The following TRIM35 variants were observed in gnomAD, a reference collection of about 807,000 sequenced individuals.
TRIM35 encodes E3 ubiquitin-protein ligase TRIM35.
Under a neutral mutation model 49.1 loss-of-function variants are expected in TRIM35, and 37 were observed. That is an observed-to-expected ratio of 0.75 (90% CI 0.58 to 0.99). The LOEUF (loss-of-function observed/expected upper bound fraction) is 0.99. TRIM35 is among the 50% of genes least tolerant of loss of function. The pLI, the probability that TRIM35 is intolerant of heterozygous loss-of-function variation, is 0.00. For missense variants in TRIM35, 648 were observed against 702.7 expected (o/e 0.92, Z 0.88); for synonymous variants, 302 against 289.3 (o/e 1.04, Z -0.45).
intron 3 of TRIM35, among the ~76,000 whole-genome samples, chr8:27,291,985 AC>A: frequency 6.6e-6 from 1 of 152,316 alleles, no homozygotes; most frequent in South Asian, 2.1e-4. Flanking sequence ...AGGCTCCACC[AC>A]CCAACACTGT....
At chr8:27,297,665 G>A (rs1341813749) in intron 2 of TRIM35, among the ~76,000 whole-genome samples, 1 of 152,204 alleles carries the variant, frequency 6.6e-6, no homozygotes, top group Non-Finnish European at 1.5e-5. Flanking sequence ...AATAAACCAG[G>A]AAATTATGCC....
chr8:27,299,820 G>C (rs1429438167), intron 1 of TRIM35, among the ~76,000 whole-genome samples: 1 of 152,148 alleles, frequency 6.6e-6, no homozygotes, highest in Non-Finnish European at 1.5e-5. Context: ...TTTTGCATGT[G>C]GGAGGGACAT....
At chr8:27,304,694 G>A (rs1802747698) in intron 1 of TRIM35, 6 of 385,666 alleles carry the variant, frequency 1.6e-5, no homozygotes, top group South Asian at 9.7e-5. Flanking sequence ...GCACAAAGTA[G>A]ATGTTCAGTT....
chr8:27,310,983 C>A lies in TRIM35; in HGVS notation c.253G>T (p.Glu85Ter), dbSNP rs763134688. 1 of 1,611,980 alleles carries A rather than the reference C, an allele frequency of 6.2e-7. No homozygotes were observed. Among genetic ancestry groups the A allele is most frequent in the Non-Finnish European group, 8.5e-7 (1 of 1,179,412 alleles). ...GTCCAGCGCGCGCCCTCGGCCTCCTCGCGCAGCAGCTTCTCCACCAGGTTG... is the reference window on the plus strand; with the variant it reads ...GTCCAGCGCGCGCCCTCGGCCTCCTAGCGCAGCAGCTTCTCCACCAGGTTG... ...LNNLVEKLLR[E>*]EAEGARWTSY... The change falls in exon 1 of 6, where the codon GAG becomes TAG. Residue 85 changes from glutamate (E) to a stop codon, truncating the protein, a stop_gained. Transcript: ENST00000305364. LOFTEE classifies it high-confidence loss of function.
At chr8:27,293,958 CT>C (rs1486242924) in intron 3 of TRIM35, 121 bp downstream of exon 3, 23 of 918,644 alleles carry the variant, frequency 2.5e-5, no homozygotes, top group Non-Finnish European at 3.7e-5. Context: ...TTGTGAGCTC[CT>C]CCAGGCCAGT....
At chr8:27,292,379 T>A (rs1456442671) in intron 3 of TRIM35, among the ~76,000 whole-genome samples, 3 of 152,210 alleles carry the variant, frequency 2.0e-5, no homozygotes, top group Admixed American at 2.0e-4. Context: ...ATGAAGAAAC[T>A]GCCTAATAAT....
intron 3 of TRIM35, among the ~76,000 whole-genome samples, chr8:27,293,505 G>A (rs1459449020): frequency 2.0e-5 from 3 of 151,748 alleles, no homozygotes; most frequent in South Asian, 2.1e-4. Flanking sequence ...GGTAGAGACC[G>A]GAAAAAAAAT....
intron 1 of TRIM35, among the ~76,000 whole-genome samples, chr8:27,303,573 A>G (rs1039788419): frequency 2.0e-5 from 3 of 152,252 alleles, no homozygotes; most frequent in Admixed American, 6.5e-5. Flanking sequence ...ATGAGCAGAG[A>G]TGGGCAGTAG....
Position 27,311,210 on chromosome 8 carries a change from G to A in TRIM35, c.26C>T (p.Pro9Leu), listed in dbSNP as rs765087352. 23 of 1,586,688 alleles carry A rather than the reference G, an allele frequency of 1.4e-5. No individual in the cohort carries two copies. The highest frequency in any genetic ancestry group is 1.0e-4 in the South Asian group (9 of 87,640). Residue 9 changes from proline (P) to leucine (L), a missense_variant, in exon 1 of 6, where the codon CCC (proline) becomes CTC (leucine). Transcript: ENST00000305364. The stretch of plus-strand genomic sequence containing the variant: ...CTCCTTGAAGGAGCGGGAAGGCCCG[G>A]GGGACACGTCGGGACTCCGCTCCAT... MERSPDVS[P>L]GPSRSFKEEL...
chr8:27,311,187 C>T lies in TRIM35; in HGVS notation c.49G>A (p.Glu17Lys). 6.2e-7 allele frequency: 1 copy of T among 1,602,072 alleles called. No homozygotes were observed. Among genetic ancestry groups the T allele is most frequent in the Non-Finnish European group, 8.5e-7 (1 of 1,173,778 alleles). ...TAGCAGACGGCGCAGAGCAACTCCT[C>T]CTTGAAGGAGCGGGAAGGCCCGGGG... ...VSPGPSRSFK[E>K]ELLCAVCYDP... Residue 17 changes from glutamate to lysine, a missense_variant, in exon 1 of 6, where the codon GAG becomes AAG. Physicochemically the swap from Glu to Lys is moderately conservative, Grantham distance 56. Coordinates refer to ENST00000305364, the MANE Select transcript of TRIM35 (RefSeq NM_171982.5).
At position 27,289,266 on chromosome 8, in the gene TRIM35, A is replaced by C; in HGVS notation, c.800T>G (p.Met267Arg). ...KSRKRRLFCT[M>R]EPEPVQPGML... Reference sequence around the variant, plus strand: ...GCCGGGCTGGACTGGCTCTGGCTCCATGGTGCAGAAGAGTCTGGAAAAGTA... The same window carrying C: ...GCCGGGCTGGACTGGCTCTGGCTCCCTGGTGCAGAAGAGTCTGGAAAAGTA... The change falls in exon 5 of 6, where the codon ATG becomes AGG. Residue 267 changes from methionine to arginine, a missense_variant. Physicochemically the swap from Met to Arg is moderately conservative, Grantham distance 91. Coordinates refer to ENST00000305364, the MANE Select transcript of TRIM35 (RefSeq NM_171982.5). The C allele has an allele frequency of 6.2e-7, 1 of 1,614,064 alleles. No individual in the cohort carries two copies. Among genetic ancestry groups the C allele is most frequent in the Non-Finnish European group, 8.5e-7 (1 of 1,179,936 alleles).
intron 1 of TRIM35, among the ~76,000 whole-genome samples, chr8:27,299,802 C>T (rs1802647117): frequency 6.6e-6 from 1 of 152,136 alleles, no homozygotes; most frequent in Admixed American, 6.5e-5. Flanking sequence ...TGGGAGAGGG[C>T]CAGTGCATTT....
chr8:27,304,545 G>A (rs1802744303), intron 1 of TRIM35, among the ~76,000 whole-genome samples: 2 of 152,200 alleles, frequency 1.3e-5, no homozygotes, highest in South Asian at 4.1e-4. Context: ...CAGGGTAATA[G>A]CTTCTCTTTC....
chr8:27,287,541 C>T lies in TRIM35; in HGVS notation c.*9G>A, dbSNP rs372337575. ...CTGTGGCACAAGACCGGGGCAGCCC[C>T]GGGCCAGCTCAGCCATCCAGTTCTT... On this transcript the variant is annotated 3_prime_UTR_variant, in exon 6 of 6. Coordinates refer to ENST00000305364, the MANE Select transcript of TRIM35 (RefSeq NM_171982.5). This position sits in a 1 kb window ranked among gnomAD's most constrained non-coding sequence, Gnocchi z 6.0. 16 of 1,554,286 alleles carry T rather than the reference C, an allele frequency of 1.0e-5. No homozygotes were observed. Among genetic ancestry groups the T allele is most frequent in the African/African-American group, 8.1e-5 (6 of 73,876 alleles).
At position 27,298,493 on chromosome 8, in the gene TRIM35, A is replaced by G; in HGVS notation, c.502T>C (p.Ser168Pro). Residue 168 changes from serine to proline, a missense_variant, in exon 2 of 6, where the codon TCC (serine) becomes CCC (proline). Ser to Pro is a moderately conservative substitution (Grantham distance 74). Coordinates refer to ENST00000305364, the MANE Select transcript of TRIM35 (RefSeq NM_171982.5). Reference sequence around the variant, plus strand: ...TTGTGCTTGGCGATGGCCTCATAGGAGCGCCGCATGGCCCAGAAGGCCTTG... The same window carrying G: ...TTGTGCTTGGCGATGGCCTCATAGGGGCGCCGCATGGCCCAGAAGGCCTTG... ...KAKAFWAMRR[S>P]YEAIAKHNQV... 2 of 1,614,184 alleles carry G rather than the reference A, an allele frequency of 1.2e-6. No individual in the cohort carries two copies. The highest frequency in any genetic ancestry group is 1.7e-6 in the Non-Finnish European group (2 of 1,180,026).
chr8:27,284,965 A>T lies in TRIM35; in HGVS notation c.*2585T>A, dbSNP rs1244075368. ...TCACGGAGAAAAATTTTATAATCAT[A>T]TACCAGTTAAAGGGACTTGTGCCAG... is the stretch of plus-strand genomic sequence containing the variant. On this transcript the variant is annotated 3_prime_UTR_variant, in exon 6 of 6. Coordinates refer to ENST00000305364, the MANE Select transcript of TRIM35 (RefSeq NM_171982.5). The T allele has an allele frequency of 6.6e-6, 1 of 152,220 alleles. No homozygotes were observed. Among genetic ancestry groups the T allele is most frequent in the African/African-American group, 2.4e-5 (1 of 41,452 alleles). The allele number at this position is 152,220 out of a possible 1,614,324, so 9.4% of individuals were successfully genotyped here.
At position 27,287,647 on chromosome 8, in the gene TRIM35, G is replaced by A. The variant is rs777083260; in HGVS notation, c.1385C>T (p.Pro462Leu). The A allele has an allele frequency of 2.5e-6, 4 of 1,609,868 alleles. No homozygotes were observed. The highest frequency in any genetic ancestry group is 1.7e-5 in the Admixed American group (1 of 59,432). Reference protein sequence around the residue: ...TFHARFGEVRPYFYLGGARGA... With the variant: ...TFHARFGEVRLYFYLGGARGA... Reference sequence around the variant, plus strand: ...CCGTGCACCCCCCAGGTAGAAGTAGGGGCGAACCTCCCCAAAGCGGGCGTG... The same window carrying A: ...CCGTGCACCCCCCAGGTAGAAGTAGAGGCGAACCTCCCCAAAGCGGGCGTG... The change falls in exon 6 of 6, where the codon CCC (proline) becomes CTC (leucine). Residue 462 changes from proline to leucine, a missense_variant. Pro to Leu is a moderately conservative substitution (Grantham distance 98). Transcript: ENST00000305364. The surrounding 1 kb of genome is among the most constrained non-coding windows in gnomAD (Gnocchi z 6.0).
chr8:27,308,158 C>A (rs1802825760), intron 1 of TRIM35, among the ~76,000 whole-genome samples: 2 of 152,096 alleles, frequency 1.3e-5, no homozygotes, highest in Non-Finnish European at 2.9e-5. Flanking sequence ...CCTGCAGACA[C>A]CTCGATTTTA....
Position 27,284,944 on chromosome 8 carries a change from G to A in TRIM35, c.*2606C>T, listed in dbSNP as rs775182188. 13 of 152,088 alleles carry A rather than the reference G, an allele frequency of 8.5e-5. No individual in the cohort carries two copies. Among genetic ancestry groups the A allele is most frequent in the Non-Finnish European group, 1.2e-4 (8 of 68,018 alleles). 9.4% of individuals were successfully genotyped at this position (152,088 alleles called of 1,614,324 possible). The stretch of plus-strand genomic sequence containing the variant: ...TCATCAAGGAAATGAAACAGCTCAC[G>A]GAGAAAAATTTTATAATCATATACC... On this transcript the variant is annotated 3_prime_UTR_variant, in exon 6 of 6. Transcript: ENST00000305364.
Sources: gnomAD v4.1 joint callset for allele counts (sites outside exome capture counted in the v4.1 genomes callset) on GRCh38, gnomAD v4.1.1 for gene constraint, Gnocchi (gnomAD v3.1) non-coding constraint, MANE v1.5 for transcripts, NCBI Gene and HGNC (gene_info 2026-07-23, HGNC 2026-07-21) for gene names.